AXIN1: variants seen among roughly 807,000 people sequenced by gnomAD.
AXIN1 encodes the protein axin 1, also known as axin-1.
In AXIN1, 30 loss-of-function variants were observed where a neutral mutation model predicts 76.4. The observed-to-expected ratio is 0.39, with a 90% CI of 0.29 to 0.53. The LOEUF (loss-of-function observed/expected upper bound fraction) is 0.53, where lower values mean the gene tolerates loss of function less well. Ranked by LOEUF, AXIN1 falls within the 20% of genes least tolerant of loss-of-function variation. The pLI is 0.66. For missense variants in AXIN1, 1,140 were observed against 1,198.8 expected (o/e 0.95, Z 0.72); for synonymous variants, 545 against 501.4 (o/e 1.09, Z -1.16).
chr16:297,298 G>A, intron 6 of AXIN1, 72 bp from the exon 7 acceptor site: 1 of 1,583,076 alleles, frequency 6.3e-7, no homozygotes, highest in Non-Finnish European at 8.6e-7. Context: ...CGTCTGCGAG[G>A]CCCCCTCCTG....
rs779951904 is a variant in AXIN1 at position 310,055 on chromosome 16, G to A, written c.1034C>T (p.Pro345Leu). ...LTDSSVDGIPPYRIRKQHRRE... is the reference protein window; with the variant it reads ...LTDSSVDGIPLYRIRKQHRRE... ...GCGGTGCTGCTTACGGATCCTGTAT[G>A]GGGGGATCCCATCCCTGTCCAGGAG... The change falls in exon 4 of 11, where the codon CCA becomes CTA. Residue 345 changes from proline to leucine, a missense_variant. Around this residue, in one of 3 missense-constraint regions of AXIN1, gnomAD observed 708 missense variants for 776.9 expected, o/e 0.91. Coordinates refer to ENST00000262320, the MANE Select transcript of AXIN1 (RefSeq NM_003502.4). The A allele has an allele frequency of 2.4e-5, 38 of 1,611,552 alleles. No individual in the cohort carries two copies. Among genetic ancestry groups the A allele is most frequent in the Non-Finnish European group, 2.8e-5 (33 of 1,179,244 alleles).
At chr16:338,101 G>T (rs907899070) in intron 2 of AXIN1, among the ~76,000 whole-genome samples, 2 of 152,224 alleles carry the variant, frequency 1.3e-5, no homozygotes, top group African/African-American at 4.8e-5. Flanking sequence ...CTCTCTCCCT[G>T]ACAGCCACCA....
chr16:299,813 G>A (rs1317799742), intron 5 of AXIN1, among the ~76,000 whole-genome samples: 8 of 151,540 alleles, frequency 5.3e-5, no homozygotes, highest in African/African-American at 1.7e-4. Flanking sequence ...CCGCCACCAC[G>A]CCCGGCTAAT....
chr16:291,660 C>A, intron 8 of AXIN1: 1 of 377,392 alleles, frequency 2.6e-6, no homozygotes, highest in Admixed American at 3.9e-5. Flanking sequence ...ATGAATTCCC[C>A]ACCGATAGCG....
intron 2 of AXIN1, among the ~76,000 whole-genome samples, chr16:325,155 C>T (rs577852738): frequency 2.6e-5 from 4 of 150,970 alleles, no homozygotes; most frequent in Non-Finnish European, 5.9e-5. Context: ...CCGCGGGCGG[C>T]CCCGCACCCC....
intron 2 of AXIN1, among the ~76,000 whole-genome samples, chr16:320,821 C>A (rs1357548665): frequency 6.8e-6 from 1 of 148,078 alleles, no homozygotes; most frequent in Non-Finnish European, 1.5e-5. Context: ...CTCACTACAA[C>A]CTCCGCCTCC....
chr16:343,983 G>A (rs911890758), intron 2 of AXIN1, among the ~76,000 whole-genome samples: 4 of 150,472 alleles, frequency 2.7e-5, no homozygotes, highest in African/African-American at 7.4e-5. Flanking sequence ...ACTCCAGCCT[G>A]TGTGACAGAG....
In AXIN1 at chr16:345,757, G is replaced by A. The variant is rs34240723; in HGVS notation, c.878+391C>T. 9.8e-3 allele frequency among the ~76,000 whole-genome samples: 1,482 copies of A among 150,982 alleles called. 15 individuals carry two copies. The highest frequency in any genetic ancestry group is 0.017 in the Non-Finnish European group (1,150 of 67,856). ...AGAATCCAATTCTCCAATTCTTATC[G>A]ATGCCCTGAAACGTCCACTCCTCCC... On this transcript the variant is annotated intron_variant, in intron 2 of 10. Transcript: ENST00000262320.
At chr16:323,910 A>G (rs1054347019) in intron 2 of AXIN1, among the ~76,000 whole-genome samples, 1 of 152,160 alleles carries the variant, frequency 6.6e-6, no homozygotes, top group Non-Finnish European at 1.5e-5. Flanking sequence ...AAAGGTGTCA[A>G]CTGCGACAGG....
chr16:332,652 T>A, intron 2 of AXIN1, among the ~76,000 whole-genome samples: 2 of 142,002 alleles, frequency 1.4e-5, no homozygotes, highest in African/African-American at 2.7e-5. Context: ...CTAAACAATG[T>A]TGATCTAAAC....
At chr16:309,258 A>T (rs2053109720) in intron 4 of AXIN1, among the ~76,000 whole-genome samples, 1 of 151,848 alleles carries the variant, frequency 6.6e-6, no homozygotes. Flanking sequence ...TGAACCCGGG[A>T]GGCAGAGCTT....
chr16:297,849 CG>C lies in AXIN1; in HGVS notation c.1656del (p.Glu553ArgfsTer152). 1 of 1,578,024 alleles carries C rather than the reference CG, an allele frequency of 6.3e-7. No homozygotes were observed. Among genetic ancestry groups the C allele is most frequent in the South Asian group, 1.2e-5 (1 of 85,812 alleles). On this transcript the variant is annotated frameshift_variant, in exon 6 of 11. Transcript: ENST00000262320. LOFTEE classifies it high-confidence loss of function. ...STARPKEQVE[A>X]EATRRAQSSF... is the part of the protein sequence containing the mutation. ...CTGCTCTGGGCCCTGCGGGTGGCCT[CG>C]GCCTCCACCTGCTCCTTGGGCCGGG... is the stretch of plus-strand genomic sequence containing the variant.
chr16:317,484 G>A (rs1264614543), intron 2 of AXIN1, among the ~76,000 whole-genome samples: 1 of 152,212 alleles, frequency 6.6e-6, no homozygotes, highest in Non-Finnish European at 1.5e-5. Context: ...CGATGTCCAC[G>A]AGTCCCTCTG....
At chr16:288,696 A>G (rs901642599) in intron 10 of AXIN1, among the ~76,000 whole-genome samples, 1 of 152,246 alleles carries the variant, frequency 6.6e-6, no homozygotes, top group African/African-American at 2.4e-5. Context: ...TCTTGGGGTC[A>G]GGCCCCCTCT....
In AXIN1 at chr16:323,952, C is replaced by T. The variant is rs557698237; in HGVS notation, c.879-9269G>A. ...AATACGGCACAGAATGAGCAACCCA[C>T]CCTGGAGACACCAGCCTGTGGGAGC... On this transcript the variant is annotated intron_variant, in intron 2 of 10. Transcript: ENST00000262320. 2.6e-5 allele frequency among the ~76,000 whole-genome samples: 4 copies of T among 152,298 alleles called. No individual in the cohort carries two copies. The East Asian group carries it at 7.7e-4, about 29-fold the overall frequency.
Position 323,098 on chromosome 16 carries a change from G to A in AXIN1, c.879-8415C>T, listed in dbSNP as rs1380037090. 3.3e-5 allele frequency among the ~76,000 whole-genome samples: 5 copies of A among 152,200 alleles called. No homozygotes were observed. In the East Asian group the frequency reaches 9.7e-4, roughly 29 times the overall value. ...AGCCCAGGAGTTCGAGACCAGCCTA[G>A]GCAAGAGGTCAAGACCCTGTCTTGA... is the stretch of plus-strand genomic sequence containing the variant. On this transcript the variant is annotated intron_variant, in intron 2 of 10. Coordinates refer to ENST00000262320, the MANE Select transcript of AXIN1 (RefSeq NM_003502.4).
At chr16:311,918 C>T (rs549652336) in intron 3 of AXIN1, among the ~76,000 whole-genome samples, 10 of 152,216 alleles carry the variant, frequency 6.6e-5, no homozygotes, top group Admixed American at 2.0e-4. Flanking sequence ...GTGGCAGACA[C>T]GGCAACTCCT....
intron 4 of AXIN1, among the ~76,000 whole-genome samples, chr16:305,791 G>T (rs2053006655): frequency 6.6e-6 from 1 of 152,088 alleles, no homozygotes; most frequent in Non-Finnish European, 1.5e-5. Context: ...TGATCCGCCT[G>T]CCTCAGCCTC....
At chr16:322,165 C>A (rs902268367) in intron 2 of AXIN1, among the ~76,000 whole-genome samples, 1 of 152,182 alleles carries the variant, frequency 6.6e-6, no homozygotes. Context: ...ATGCCGCAGG[C>A]GTGAGGCTGG....
Sources: gnomAD v4.1 joint callset for allele counts (sites outside exome capture counted in the v4.1 genomes callset) on GRCh38, gnomAD v4.1.1 for gene constraint, gnomAD v4.1.1 regional missense constraint, MANE v1.5 for transcripts, NCBI Gene and HGNC (gene_info 2026-07-23, HGNC 2026-07-21) for gene names.